ADAMTSL1: variants seen among roughly 807,000 people sequenced by gnomAD.
The protein encoded by ADAMTSL1 is ADAMTS like 1.
In ADAMTSL1, 126 loss-of-function variants were observed where a neutral mutation model predicts 201.8. That is an observed-to-expected ratio of 0.62 (90% CI 0.54 to 0.72). ADAMTSL1 has a LOEUF of 0.72. ADAMTSL1 is among the 30% of genes least tolerant of loss of function. ADAMTSL1 has a pLI of 0.00. For missense variants in ADAMTSL1, 2,679 were observed against 2,277.8 expected (o/e 1.18, Z -3.59); for synonymous variants, 1,121 against 903.4 (o/e 1.24, Z -4.32).
At chr9:18,808,035 A>T (rs1374262491) in intron 20 of ADAMTSL1, among the ~76,000 whole-genome samples, 3 of 152,156 alleles carry the variant, frequency 2.0e-5, no homozygotes, top group Non-Finnish European at 4.4e-5. Context: ...GATTTTTTTT[A>T]AGTTGGCCAC....
chr9:18,466,830 A>T (rs972738976), intron 2 of ADAMTSL1, among the ~76,000 whole-genome samples: 1 of 152,202 alleles, frequency 6.6e-6, no homozygotes, highest in Non-Finnish European at 1.5e-5. Flanking sequence ...GCAAGAATAA[A>T]ATTGAAGACC....
chr9:18,525,430 G>A (rs1408229616), intron 2 of ADAMTSL1, among the ~76,000 whole-genome samples: 1 of 152,114 alleles, frequency 6.6e-6, no homozygotes, highest in African/African-American at 2.4e-5. Context: ...GGTTTTTTGT[G>A]TGTCTATCTC....
intron 15 of ADAMTSL1, among the ~76,000 whole-genome samples, chr9:18,730,209 C>T (rs998889557): frequency 4.6e-5 from 7 of 152,002 alleles, no homozygotes; most frequent in African/African-American, 7.3e-5. Context: ...AACAATTTGA[C>T]GAGAAGAGTT....
chr9:18,899,437 G>GA (rs1236572059), intron 26 of ADAMTSL1, among the ~76,000 whole-genome samples: 42 of 152,226 alleles, frequency 2.8e-4, no homozygotes, highest in African/African-American at 9.1e-4. Flanking sequence ...CACAGAATTA[G>GA]AAAAAACTAT....
At chr9:18,366,329 AT>A (rs11284344) in intron 2 of ADAMTSL1, among the ~76,000 whole-genome samples, 63,871 of 151,374 alleles carry the variant, frequency 0.42, 13,932 homozygotes, top group Middle Eastern at 0.49. Flanking sequence ...TTATATACAT[AT>A]GGCTGAAGTC....
intron 15 of ADAMTSL1, among the ~76,000 whole-genome samples, chr9:18,725,744 C>T (rs909053291): frequency 1.3e-5 from 2 of 152,058 alleles, no homozygotes; most frequent in Non-Finnish European, 2.9e-5. Flanking sequence ...GTTCTAGTTC[C>T]TTCTTATACC....
chr9:18,654,738 G>T (rs2132950083), intron 7 of ADAMTSL1, among the ~76,000 whole-genome samples: 1 of 152,312 alleles, frequency 6.6e-6, no homozygotes, highest in East Asian at 1.9e-4. Context: ...TACCAGAACA[G>T]CCAAAAATTG....
intron 1 of ADAMTSL1, among the ~76,000 whole-genome samples, chr9:18,475,154 G>T (rs2042943577): frequency 6.6e-6 from 1 of 152,172 alleles, no homozygotes; most frequent in Admixed American, 6.6e-5. Context: ...CTGAAGGTTT[G>T]ATTCCAAAAT....
rs1826207825 is a variant in ADAMTSL1, at chr9:17,919,132, C to T, written c.87+12210C>T. Among the ~76,000 whole-genome samples the T allele has an allele frequency of 1.3e-5, 2 of 151,540 alleles. 1 individual carries two copies. Among genetic ancestry groups the T allele is most frequent in the South Asian group, 4.2e-4 (2 of 4,812 alleles). ...ATGACTTCCTAATTCTCTTTCAAAT[C>T]CTACTTTCATCATCCTTTTGTTATC... On this transcript the variant is annotated intron_variant, in intron 1 of 29. Coordinates refer to the ADAMTSL1 transcript ENST00000680146.
At chr9:18,463,778 A>AT (rs1587286693) in intron 2 of ADAMTSL1, among the ~76,000 whole-genome samples, 1 of 152,068 alleles carries the variant, frequency 6.6e-6, no homozygotes, top group Non-Finnish European at 1.5e-5. Context: ...GGTTGCTTTT[A>AT]TTTTTTGCTA....
chr9:18,855,294 A>G (rs1204849329), intron 23 of ADAMTSL1, among the ~76,000 whole-genome samples: 2 of 152,208 alleles, frequency 1.3e-5, no homozygotes, highest in Non-Finnish European at 2.9e-5. Context: ...AACTGTTTTC[A>G]TGAGCATTCT....
chr9:17,926,791 G>A (rs902666478), intron 1 of ADAMTSL1, among the ~76,000 whole-genome samples: 1 of 152,094 alleles, frequency 6.6e-6, no homozygotes, highest in African/African-American at 2.4e-5. Flanking sequence ...AGATGTTTAA[G>A]TTTTCTGACT....
chr9:18,728,881 A>G (rs181670930), intron 15 of ADAMTSL1, among the ~76,000 whole-genome samples: 3 of 152,204 alleles, frequency 2.0e-5, no homozygotes, highest in Non-Finnish European at 4.4e-5. Flanking sequence ...CCATTGAAGG[A>G]TATTAGCCAG....
At chr9:18,005,258 C>T (rs1819766665) in intron 1 of ADAMTSL1, among the ~76,000 whole-genome samples, 2 of 151,940 alleles carry the variant, frequency 1.3e-5, no homozygotes, top group South Asian at 4.1e-4. Context: ...TGGCAGAGAC[C>T]TAGAAAACAC....
chr9:18,140,980 C>G (rs1388146483), intron 1 of ADAMTSL1, among the ~76,000 whole-genome samples: 1 of 152,110 alleles, frequency 6.6e-6, no homozygotes, highest in Middle Eastern at 3.2e-3. Context: ...TTGGTGAGCT[C>G]TGAAAAGAGA....
intron 2 of ADAMTSL1, among the ~76,000 whole-genome samples, chr9:18,439,048 C>T (rs1819880525): frequency 6.7e-6 from 1 of 150,146 alleles, no homozygotes; most frequent in Non-Finnish European, 1.5e-5. Flanking sequence ...ATATTGGTTT[C>T]CTGCAAAATT....
In ADAMTSL1 at chr9:18,636,847, G is replaced by C. The variant is rs1202263923; in HGVS notation, c.676+830G>C. ...TTCAGTTGGTTCCTTGAGCATTTCT[G>C]ATTTCCTCCACTGTGATTGTTCCTG... On this transcript the variant is annotated intron_variant, in intron 6 of 28. Transcript: ENST00000380548. Among the ~76,000 whole-genome samples, 4 of 152,038 alleles carry C rather than the reference G, an allele frequency of 2.6e-5. No individual in the cohort carries two copies. The East Asian group carries it at 5.8e-4, about 22-fold the overall frequency.
chr9:18,713,108 A>G (rs1832713061), intron 14 of ADAMTSL1, among the ~76,000 whole-genome samples: 1 of 151,606 alleles, frequency 6.6e-6, no homozygotes, highest in Non-Finnish European at 1.5e-5. Flanking sequence ...AGCGCTAAAC[A>G]TGGAAAGGAA....
intron 2 of ADAMTSL1, among the ~76,000 whole-genome samples, chr9:18,416,146 A>C (rs1164276343): frequency 6.6e-6 from 1 of 152,080 alleles, no homozygotes; most frequent in Admixed American, 6.6e-5. Context: ...ACAAGGGTAA[A>C]TACAAAATAC....
Sources: allele counts gnomAD v4.1 joint callset (sites outside exome capture counted in the v4.1 genomes callset), GRCh38; gene constraint gnomAD v4.1.1; transcripts MANE v1.5; gene names NCBI Gene and HGNC (gene_info 2026-07-23, HGNC 2026-07-21).